The following USH1C variants were observed in gnomAD, a reference collection of about 807,000 sequenced individuals.
USH1C encodes the protein harmonin.
A neutral mutation model predicts 119.3 loss-of-function variants in USH1C; 90 were observed. The ratio of observed to expected loss-of-function variants is 0.75; its 90% confidence interval spans 0.64 to 0.90. The LOEUF (loss-of-function observed/expected upper bound fraction) is 0.90. Ranked by LOEUF, USH1C falls within the 40% of genes least tolerant of loss-of-function variation. The pLI is 0.00. For missense variants in USH1C, 1,165 were observed against 1,167.7 expected, an observed-to-expected ratio of 1.00 and a Z score of 0.03; for synonymous variants, 465 against 443.3, an observed-to-expected ratio of 1.05 and a Z score of -0.62.
Position 17,509,664 on chromosome 11 carries a change from G to A in USH1C, c.1705C>T (p.Pro569Ser). The A allele has an allele frequency of 6.3e-7, 1 of 1,594,314 alleles. No homozygotes were observed. Among genetic ancestry groups the A allele is most frequent in the Non-Finnish European group, 8.5e-7 (1 of 1,176,554 alleles). ...GGGACCTTGTGGGGTGGGTTGGAGG[G>A]TGGAGGGTGGGGCATCACAGGCAAG... ...SALPVMPHPP[P>S]SNPPHKVPAP... The change falls in exon 18 of 27, where the codon CCC becomes TCC. Residue 569 changes from proline to serine, a missense_variant. Pro to Ser is a moderately conservative substitution (Grantham distance 74). Transcript: ENST00000005226.
In USH1C at chr11:17,531,364, A is replaced by G; in HGVS notation, c.248+35T>C. 1 of 1,613,246 alleles carries G rather than the reference A, an allele frequency of 6.2e-7. No homozygotes were observed. Among genetic ancestry groups the G allele is most frequent in the Non-Finnish European group, 8.5e-7 (1 of 1,179,666 alleles). ...CTGCCCCGCCCAGGGTGATCTCTCCACCCCCTGCCTCCAGCCTGGTGGCTT... is the reference window on the plus strand; with the variant it reads ...CTGCCCCGCCCAGGGTGATCTCTCCGCCCCCTGCCTCCAGCCTGGTGGCTT... On this transcript the variant is annotated intron_variant, in intron 3 of 26. Coordinates refer to ENST00000005226, the MANE Select transcript of USH1C (RefSeq NM_153676.4). This position sits in a 1 kb window ranked among gnomAD's most constrained non-coding sequence, Gnocchi z 4.2.
At chr11:17,506,917 T>G (rs1478450580) in intron 18 of USH1C, among the ~76,000 whole-genome samples, 1 of 152,232 alleles carries the variant, frequency 6.6e-6, no homozygotes, top group African/African-American at 2.4e-5. Flanking sequence ...GTGCCCTGCA[T>G]AGTGCCTTGG....
intron 23 of USH1C, among the ~76,000 whole-genome samples, chr11:17,498,755 C>A (rs59146517): frequency 1.3e-5 from 2 of 152,208 alleles, no homozygotes; most frequent in African/African-American, 2.4e-5. Flanking sequence ...CCCGCTCAGT[C>A]GAATGTAGAT....
Position 17,531,649 on chromosome 11 carries a change from T to C in USH1C, c.105-107A>G. The C allele has an allele frequency of 6.9e-7, 1 of 1,448,450 alleles. No individual in the cohort carries two copies. The highest frequency in any genetic ancestry group is 9.4e-7 in the Non-Finnish European group (1 of 1,061,250). The allele number at this position is 1,448,450 out of a possible 1,614,324, so 89.7% of individuals were successfully genotyped here. On this transcript the variant is annotated intron_variant, in intron 2 of 26. Coordinates refer to ENST00000005226, the MANE Select transcript of USH1C (RefSeq NM_153676.4). The surrounding 1 kb of genome is among the most constrained non-coding windows in gnomAD (Gnocchi z 4.2). ...CAGCCACTGGGCCCAGGCTTAGGAA[T>C]GGAGTAGACCACTCCTGAAAAGCCC...
At position 17,522,999 on chromosome 11, in the gene USH1C, C is replaced by T. The variant is rs573491043; in HGVS notation, c.877-73G>A. On this transcript the variant is annotated intron_variant, in intron 11 of 26. Coordinates refer to ENST00000005226, the MANE Select transcript of USH1C (RefSeq NM_153676.4). ...GATCCCCTGACACACCCCTGGGGGCCGAGATGCAGGTGGTCTTCTCAGCAC... is the reference window on the plus strand; with the variant it reads ...GATCCCCTGACACACCCCTGGGGGCTGAGATGCAGGTGGTCTTCTCAGCAC... 2.3e-5 allele frequency: 37 copies of T among 1,595,830 alleles called. 1 individual carries two copies. The East Asian group carries it at 3.9e-4, about 17-fold the overall frequency.
intron 1 of USH1C, among the ~76,000 whole-genome samples, chr11:17,535,394 C>G (rs1592032807): frequency 6.6e-6 from 1 of 152,024 alleles, no homozygotes; most frequent in Non-Finnish European, 1.5e-5. Context: ...CCAGAGAGGT[C>G]TTCCCTGCTC....
chr11:17,511,795 G>A (rs1223820679), intron 16 of USH1C, 107 bp downstream of exon 16: 1 of 1,368,332 alleles, frequency 7.3e-7, no homozygotes, highest in Non-Finnish European at 1.0e-6. Flanking sequence ...CTCCACCCTT[G>A]TATGCCATTT....
rs58422362 is a variant in USH1C, at chr11:17,534,851, G to C, written c.37-1529C>G. Among the ~76,000 whole-genome samples, 337 of 146,520 alleles carry C rather than the reference G, an allele frequency of 2.3e-3. 2 individuals are homozygous for C. The highest frequency in any genetic ancestry group is 8.0e-3 in the African/African-American group (319 of 39,944). ...ATTGCACCACTGCACTCCAGGCTGG[G>C]TGACAGAGCGAGACTCCATCTCAAA... On this transcript the variant is annotated intron_variant, in intron 1 of 26. Transcript: ENST00000005226.
At position 17,509,605 on chromosome 11, in the gene USH1C, C is replaced by A; in HGVS notation, c.1764G>T (p.Val588=). ...APPVLPLSGH[V]SASSSPWVQR... is the part of the protein sequence containing the mutation. ...GCACCCATGGAGAGGATGAGGCGCT[C>A]ACATGGCCAGATAAGGGAAGGACAG... Residue 588 remains valine (V), a synonymous_variant, in exon 18 of 27, where the codon GTG becomes GTT. Coordinates refer to ENST00000005226, the MANE Select transcript of USH1C (RefSeq NM_153676.4). 1 of 1,595,134 alleles carries A rather than the reference C, an allele frequency of 6.3e-7. No homozygotes were observed. The highest frequency in any genetic ancestry group is 8.5e-7 in the Non-Finnish European group (1 of 1,174,898).
intron 4 of USH1C, among the ~76,000 whole-genome samples, chr11:17,529,842 T>A (rs1850878321): frequency 6.6e-6 from 1 of 152,040 alleles, no homozygotes. Context: ...AAACTGTAGG[T>A]CTCATTAAAA....
At position 17,504,709 on chromosome 11, in the gene USH1C, A is replaced by G. The variant is rs76769358; in HGVS notation, c.2134-12T>C. The G allele has an allele frequency of 0.065, 100,036 of 1,541,542 alleles. 2,786 individuals are homozygous for G. Among genetic ancestry groups the G allele is most frequent in the Middle Eastern group, 0.1 (617 of 5,896 alleles). ...AACATCTCCTGTGGCTGCCAGAGGA[A>G]AAAAAAAAAAGTTCCACATTGGATG... On this transcript the variant is annotated splice_polypyrimidine_tract_variant and intron_variant, in intron 19 of 26. Coordinates refer to ENST00000005226, the MANE Select transcript of USH1C (RefSeq NM_153676.4).
rs1849632177 is a variant in USH1C, at chr11:17,505,967, C to T, written c.2014-18G>A. 2 of 1,614,042 alleles carry T rather than the reference C, an allele frequency of 1.2e-6. No homozygotes were observed. The highest frequency in any genetic ancestry group is 1.7e-6 in the Non-Finnish European group (2 of 1,180,014). The stretch of plus-strand genomic sequence containing the variant: ...CAAAATGTCTAAGGAGTTAGTTTAA[C>T]AGGGACCCAGGTGAGGTCATGGTGG... On this transcript the variant is annotated intron_variant, in intron 18 of 26. Transcript: ENST00000005226.
At chr11:17,507,381 A>G (rs912318127) in intron 18 of USH1C, among the ~76,000 whole-genome samples, 1 of 152,204 alleles carries the variant, frequency 6.6e-6, no homozygotes, top group Non-Finnish European at 1.5e-5. Flanking sequence ...CTGATCAGGA[A>G]CTAACAGTGG....
At position 17,533,366 on chromosome 11, in the gene USH1C, C is replaced by A. The variant is rs539980644; in HGVS notation, c.37-44G>T. 234 of 1,411,044 alleles carry A rather than the reference C, an allele frequency of 1.7e-4. No homozygotes were observed. The African/African-American group carries it at 3.3e-3, about 20-fold the overall frequency. The allele number at this position is 1,411,044 out of a possible 1,614,324, so 87.4% of individuals were successfully genotyped here. Reference sequence around the variant, plus strand: ...GAATCACAGCTCCAGGCTCAGCACCCGCCCCCATAGCAGACCTCAGGGAGG... The same window carrying A: ...GAATCACAGCTCCAGGCTCAGCACCAGCCCCCATAGCAGACCTCAGGGAGG... On this transcript the variant is annotated intron_variant, in intron 1 of 26. Transcript: ENST00000005226.
rs113336938 is a variant in USH1C, at chr11:17,494,534, CA to C, written c.2656-159del. The C allele has an allele frequency of 0.043, 32,837 of 756,974 alleles. 819 individuals are homozygous for C. The highest frequency in any genetic ancestry group is 0.068 in the African/African-American group (3,935 of 57,984). 46.9% of individuals were successfully genotyped at this position (756,974 alleles called of 1,614,324 possible). A position where few individuals can be genotyped will look rare whatever the true frequency, so the allele number is the denominator to read the frequency against. On this transcript the variant is annotated intron_variant, in intron 26 of 26. Transcript: ENST00000005226. ...TCTGGGTGCAGGCCCCAAGTGGCTA[CA>C]CACCAGCCACAGCCACAGCACACAG...
At chr11:17,506,006 A>G (rs1849634248) in intron 18 of USH1C, 57 bp from the exon 19 acceptor site, 1 of 1,612,162 alleles carries the variant, frequency 6.2e-7, no homozygotes, top group Non-Finnish European at 8.5e-7. Flanking sequence ...GGCCAAGGCC[A>G]GCCATGCTAC....
At chr11:17,496,870 C>T in intron 24 of USH1C, 57 bp from the exon 25 acceptor site, 1 of 1,597,946 alleles carries the variant, frequency 6.3e-7, no homozygotes, top group Non-Finnish European at 8.6e-7. Context: ...TGCATCTGCC[C>T]CGGCACTCCA....
At chr11:17,512,921 G>A (rs1029198239) in intron 15 of USH1C, among the ~76,000 whole-genome samples, 6 of 152,184 alleles carry the variant, frequency 3.9e-5, no homozygotes, top group Non-Finnish European at 5.9e-5. Flanking sequence ...CACCGAGCCT[G>A]CATTCCTGGC....
intron 18 of USH1C, among the ~76,000 whole-genome samples, chr11:17,506,526 T>C (rs915498317): frequency 6.6e-6 from 1 of 152,206 alleles, no homozygotes; most frequent in Non-Finnish European, 1.5e-5. Context: ...AGTGTCCGCA[T>C]TGACTACTGA....
Sources: allele counts gnomAD v4.1 joint callset (sites outside exome capture counted in the v4.1 genomes callset), GRCh38; gene constraint gnomAD v4.1.1; non-coding constraint Gnocchi (gnomAD v3.1); transcripts MANE v1.5; gene names NCBI Gene and HGNC (gene_info 2026-07-23, HGNC 2026-07-21).